The following CCDC62 variants were observed in gnomAD, a reference collection of about 807,000 sequenced individuals.
The protein encoded by CCDC62 is coiled-coil domain containing 62.
A neutral mutation model predicts 80.8 loss-of-function variants in CCDC62; 72 were observed. That is an observed-to-expected ratio of 0.89 (90% CI 0.74 to 1.08). The LOEUF (loss-of-function observed/expected upper bound fraction) is 1.08, where lower values mean the gene tolerates loss of function less well. Ranked by LOEUF, CCDC62 falls within the 50% of genes least tolerant of loss-of-function variation. The pLI is 0.00. For missense variants in CCDC62, 704 were observed against 809.4 expected, an observed-to-expected ratio of 0.87 and a Z score of 1.58; for synonymous variants, 286 against 296.5, an observed-to-expected ratio of 0.96 and a Z score of 0.36.
At chr12:122,782,861 A>G (rs2029952918) in intron 3 of CCDC62, among the ~76,000 whole-genome samples, 1 of 151,072 alleles carries the variant, frequency 6.6e-6, no homozygotes, top group Admixed American at 6.6e-5. Flanking sequence ...TAATCCCAGC[A>G]CTTTGGGAGG....
intron 9 of CCDC62, among the ~76,000 whole-genome samples, chr12:122,803,415 T>G (rs1398667533): frequency 2.0e-5 from 3 of 152,200 alleles, no homozygotes; most frequent in Non-Finnish European, 4.4e-5. Context: ...TTGGAATAGC[T>G]GAATCTTGTG....
chr12:122,782,434 G>A (rs908680099), intron 3 of CCDC62, among the ~76,000 whole-genome samples: 3 of 152,092 alleles, frequency 2.0e-5, no homozygotes, highest in African/African-American at 7.2e-5. Context: ...TCAAGTTTTG[G>A]TAGCCTCAAT....
chr12:122,795,340 C>T (rs369955424), intron 6 of CCDC62, among the ~76,000 whole-genome samples: 10 of 152,100 alleles, frequency 6.6e-5, no homozygotes, highest in African/African-American at 1.2e-4. Flanking sequence ...TGTGAGCCAC[C>T]GCACCCAGTC....
chr12:122,813,219 AT>A, intron 10 of CCDC62, 50 bp from the exon 11 acceptor site: 7 of 1,523,730 alleles, frequency 4.6e-6, no homozygotes, highest in Non-Finnish European at 6.2e-6. Context: ...GGTAGTTAGC[AT>A]TTGTGTTTGT....
At chr12:122,807,517 G>A (rs1297626743) in intron 10 of CCDC62, among the ~76,000 whole-genome samples, 2 of 113,384 alleles carry the variant, frequency 1.8e-5, no homozygotes, top group East Asian at 5.5e-4. Context: ...GCAACAGAGT[G>A]AGACTCTGTC....
intron 9 of CCDC62, among the ~76,000 whole-genome samples, chr12:122,802,476 C>A (rs558789703): frequency 6.7e-6 from 1 of 148,336 alleles, no homozygotes; most frequent in South Asian, 2.2e-4. Context: ...TGCAGTGGCG[C>A]AGTCTTGGCT....
intron 4 of CCDC62, among the ~76,000 whole-genome samples, chr12:122,786,198 AGTGCAGTGGCTCC>A (rs1242493384): frequency 1.3e-5 from 2 of 152,084 alleles, no homozygotes; most frequent in African/African-American, 2.4e-5. Flanking sequence ...CCCAGGCTGG[AGTGCAGTGGCTCC>A]GTCTCAGCTC....
At chr12:122,791,056 G>A (rs1224794229) in intron 5 of CCDC62, among the ~76,000 whole-genome samples, 1 of 152,166 alleles carries the variant, frequency 6.6e-6, no homozygotes, top group African/African-American at 2.4e-5. Context: ...GCAGTTTGTG[G>A]TAATGGATTT....
At position 122,826,871 on chromosome 12, in the gene CCDC62, T is replaced by C; in HGVS notation, c.*490T>C. 1 of 157,400 alleles carries C rather than the reference T, an allele frequency of 6.4e-6. No individual in the cohort carries two copies. The highest frequency in any genetic ancestry group is 1.8e-4 in the East Asian group (1 of 5,456). The allele number at this position is 157,400 out of a possible 1,614,324, so 9.8% of individuals were successfully genotyped here. ...TCAAAATATATGAGAAACAGTATTC[T>C]CTCATGGTTTTAGCTTTTGACTTTG... On this transcript the variant is annotated 3_prime_UTR_variant, in exon 13 of 13. Coordinates refer to ENST00000253079, the MANE Select transcript of CCDC62 (RefSeq NM_201435.5).
At chr12:122,798,690 A>G (rs2135555474) in intron 8 of CCDC62, among the ~76,000 whole-genome samples, 1 of 152,306 alleles carries the variant, frequency 6.6e-6, no homozygotes, top group Non-Finnish European at 1.5e-5. Flanking sequence ...CTGAGGCAGG[A>G]GAATCACTTG....
At chr12:122,811,338 A>G (rs2031872550) in intron 10 of CCDC62, among the ~76,000 whole-genome samples, 1 of 147,202 alleles carries the variant, frequency 6.8e-6, no homozygotes, top group Admixed American at 6.9e-5. Flanking sequence ...CAGCCTCCCT[A>G]GTAGCTGGGA....
intron 11 of CCDC62, among the ~76,000 whole-genome samples, chr12:122,818,842 G>C (rs556359639): frequency 2.0e-5 from 3 of 151,744 alleles, no homozygotes; most frequent in Admixed American, 1.3e-4. Flanking sequence ...TCATGACTTT[G>C]AGCCCAGGAG....
chr12:122,798,629 A>G lies in CCDC62; in HGVS notation c.977+429A>G, dbSNP rs536184147. ...AATAAATAAATAAATAAAAATATAA[A>G]AATTAGCTGGGCGTGTTCGCGGGTA... On this transcript the variant is annotated intron_variant, in intron 8 of 12. Coordinates refer to ENST00000253079, the MANE Select transcript of CCDC62 (RefSeq NM_201435.5). 1.8e-4 allele frequency among the ~76,000 whole-genome samples: 28 copies of G among 151,790 alleles called. No homozygotes were observed. In the South Asian group the frequency reaches 5.8e-3, roughly 32 times the overall value.
At chr12:122,796,200 C>A (rs1368212818) in intron 6 of CCDC62, among the ~76,000 whole-genome samples, 3 of 151,738 alleles carry the variant, frequency 2.0e-5, no homozygotes, top group Middle Eastern at 3.4e-3. Context: ...TCCCCCACCG[C>A]CCCCCGACAA....
chr12:122,809,938 A>G (rs1465648201), intron 10 of CCDC62, among the ~76,000 whole-genome samples: 1 of 152,188 alleles, frequency 6.6e-6, no homozygotes, highest in African/African-American at 2.4e-5. Flanking sequence ...CTATTTAACA[A>G]ATGGTGCTGG....
chr12:122,781,508 A>G (rs1385104315), intron 3 of CCDC62, among the ~76,000 whole-genome samples, 178 bp downstream of exon 3: 1 of 151,928 alleles, frequency 6.6e-6, no homozygotes, highest in Non-Finnish European at 1.5e-5. Context: ...CAGCGTGGAG[A>G]AACCCCATCT....
chr12:122,801,932 G>C, intron 9 of CCDC62, 80 bp downstream of exon 9: 1 of 1,410,314 alleles, frequency 7.1e-7, no homozygotes, highest in African/African-American at 1.4e-5. Flanking sequence ...TGGAAGCCAC[G>C]CCATACCTAC....
chr12:122,796,316 AT>A (rs139299952), intron 6 of CCDC62, among the ~76,000 whole-genome samples: 6,787 of 149,718 alleles, frequency 0.045, 301 homozygotes, highest in East Asian at 0.25. Context: ...GTATTTATTT[AT>A]TTTTTTTAAG....
intron 4 of CCDC62, among the ~76,000 whole-genome samples, chr12:122,787,593 A>G (rs375295920): frequency 6.6e-6 from 1 of 152,132 alleles, no homozygotes; most frequent in East Asian, 1.9e-4. Context: ...ATTTTTAAAA[A>G]TACAAAAATT....
Sources: allele counts gnomAD v4.1 joint callset (sites outside exome capture counted in the v4.1 genomes callset), GRCh38; gene constraint gnomAD v4.1.1; transcripts MANE v1.5; gene names NCBI Gene and HGNC (gene_info 2026-07-23, HGNC 2026-07-21).